SNX29: variants seen among roughly 807,000 people sequenced by gnomAD.
SNX29 encodes the protein sorting nexin-29.
SNX29 carries 78 observed loss-of-function variants against 102.1 expected under a neutral mutation model. The observed-to-expected ratio is 0.76, with a 90% CI of 0.64 to 0.92. SNX29 has a LOEUF of 0.92. SNX29 is among the 40% of genes least tolerant of loss of function. The probability of loss-of-function intolerance (pLI) is 0.00; values close to 1 mark genes in which losing one functional copy is unlikely to be tolerated. For missense variants in SNX29, 1,280 were observed against 1,061.7 expected, an observed-to-expected ratio of 1.21 and a Z score of -2.86; for synonymous variants, 580 against 414.5, an observed-to-expected ratio of 1.40 and a Z score of -4.85.
At chr16:12,085,718 C>A (rs999082013) in intron 11 of SNX29, among the ~76,000 whole-genome samples, 1 of 152,008 alleles carries the variant, frequency 6.6e-6, no homozygotes, top group Non-Finnish European at 1.5e-5. Context: ...GTAAAAGTAA[C>A]AGTATATTCT....
intron 18 of SNX29, among the ~76,000 whole-genome samples, chr16:12,403,754 G>T (rs2084054974): frequency 6.6e-6 from 1 of 152,218 alleles, no homozygotes; most frequent in South Asian, 2.1e-4. Context: ...GGCTCTTAGT[G>T]TGGCTGCTGT....
intron 13 of SNX29, among the ~76,000 whole-genome samples, chr16:12,185,043 A>G (rs531629827): frequency 1.3e-5 from 2 of 152,310 alleles, no homozygotes; most frequent in South Asian, 4.1e-4. Context: ...GGCTGTTTGT[A>G]TGAACCTGGA....
chr16:12,565,262 G>A (rs1223261564), intron 20 of SNX29, among the ~76,000 whole-genome samples: 1 of 152,288 alleles, frequency 6.6e-6, no homozygotes, highest in Non-Finnish European at 1.5e-5. Context: ...GCAGTTGCAA[G>A]AGGTTCAGCC....
chr16:12,067,964 T>A (rs773478037), intron 9 of SNX29, among the ~76,000 whole-genome samples: 3 of 152,026 alleles, frequency 2.0e-5, no homozygotes, highest in African/African-American at 7.3e-5. Context: ...CCAGCTCTTG[T>A]GAATGCCTTT....
In SNX29 at chr16:12,477,613, G is replaced by C. The variant is rs1270073334; in HGVS notation, c.2038-106G>C. On this transcript the variant is annotated intron_variant, in intron 18 of 20. Transcript: ENST00000566228. ...TGGGCATCCAGTGGTGTGTGACACA[G>C]ATGTGACTCTTGCTGCAGTTGGTTT... is the stretch of plus-strand genomic sequence containing the variant. 7 of 1,345,240 alleles carry C rather than the reference G, an allele frequency of 5.2e-6. No individual in the cohort carries two copies. In the Admixed American group the frequency reaches 1.5e-4, roughly 29 times the overall value. The allele number at this position is 1,345,240 out of a possible 1,614,324, so 83.3% of individuals were successfully genotyped here. A position where few individuals can be genotyped will look rare whatever the true frequency, so the allele number is the denominator to read the frequency against.
chr16:12,541,965 T>G (rs1427415965), intron 20 of SNX29, among the ~76,000 whole-genome samples: 2 of 152,194 alleles, frequency 1.3e-5, no homozygotes, highest in African/African-American at 2.4e-5. Context: ...TGGATCCACT[T>G]CAGAGACTTG....
chr16:12,121,510 C>G (rs914256930), intron 11 of SNX29, among the ~76,000 whole-genome samples: 3 of 152,212 alleles, frequency 2.0e-5, no homozygotes, highest in Non-Finnish European at 2.9e-5. Flanking sequence ...CAGCAGGAGA[C>G]GAAGGCAGGA....
At chr16:12,214,746 G>A (rs1011006383) in intron 14 of SNX29, among the ~76,000 whole-genome samples, 1 of 152,082 alleles carries the variant, frequency 6.6e-6, no homozygotes, top group Admixed American at 6.6e-5. Flanking sequence ...TTACTCTGCA[G>A]TCTCCCTGAT....
At chr16:12,406,407 A>G (rs2084168034) in intron 18 of SNX29, among the ~76,000 whole-genome samples, 1 of 152,232 alleles carries the variant, frequency 6.6e-6, no homozygotes, top group Non-Finnish European at 1.5e-5. Context: ...GACAATCCCC[A>G]TCTACATTCC....
chr16:12,331,982 C>G (rs1033237654), intron 15 of SNX29, among the ~76,000 whole-genome samples: 8 of 152,088 alleles, frequency 5.3e-5, no homozygotes, highest in Non-Finnish European at 1.0e-4. Flanking sequence ...ATCGCTTGAA[C>G]CTAGTAGGTG....
chr16:12,474,888 A>G (rs1323878103), intron 18 of SNX29, among the ~76,000 whole-genome samples: 1 of 152,238 alleles, frequency 6.6e-6, no homozygotes, highest in Non-Finnish European at 1.5e-5. Flanking sequence ...CTTGGTTAAA[A>G]TAAAGAAGGA....
intron 19 of SNX29, among the ~76,000 whole-genome samples, chr16:12,499,235 A>T (rs987714877): frequency 2.0e-5 from 3 of 152,226 alleles, no homozygotes; most frequent in African/African-American, 7.2e-5. Flanking sequence ...TGTTGGTGGC[A>T]GGCAGGTCAT....
intron 15 of SNX29, among the ~76,000 whole-genome samples, chr16:12,330,231 C>T (rs926790733): frequency 4.6e-5 from 7 of 152,130 alleles, no homozygotes; most frequent in African/African-American, 1.4e-4. Flanking sequence ...CTTGAGTAAA[C>T]GACTTAACCT....
chr16:12,290,805 G>A (rs1432280115), intron 15 of SNX29, among the ~76,000 whole-genome samples: 1 of 152,116 alleles, frequency 6.6e-6, no homozygotes, highest in African/African-American at 2.4e-5. Context: ...AGGAGAGTGG[G>A]GATGAGTTTT....
At chr16:12,494,639 CACCCCCTT>C (rs1205024363) in intron 19 of SNX29, among the ~76,000 whole-genome samples, 2 of 152,200 alleles carry the variant, frequency 1.3e-5, no homozygotes, top group African/African-American at 4.8e-5. Context: ...TCAGCTTAAC[CACCCCCTT>C]GGAACTTTCT....
intron 18 of SNX29, among the ~76,000 whole-genome samples, chr16:12,422,208 T>A (rs2084902360): frequency 6.6e-6 from 1 of 152,198 alleles, no homozygotes; most frequent in South Asian, 2.1e-4. Flanking sequence ...TGCCACTCAA[T>A]GGCTGTGTGA....
chr16:12,429,016 C>A (rs572196676), intron 18 of SNX29, among the ~76,000 whole-genome samples: 18 of 152,172 alleles, frequency 1.2e-4, no homozygotes, highest in African/African-American at 4.8e-5. Flanking sequence ...CACATAGATA[C>A]GATTGCAATT....
At chr16:12,121,351 TC>T (rs1434239480) in intron 11 of SNX29, among the ~76,000 whole-genome samples, 1 of 152,050 alleles carries the variant, frequency 6.6e-6, no homozygotes, top group Non-Finnish European at 1.5e-5. Context: ...CCATAGGGGC[TC>T]CCCCAGAGCC....
chr16:12,043,691 A>G (rs1408261530), intron 5 of SNX29, among the ~76,000 whole-genome samples: 1 of 151,888 alleles, frequency 6.6e-6, no homozygotes, highest in Non-Finnish European at 1.5e-5. Flanking sequence ...AATTCATTCA[A>G]TCCCAAACTG....
Sources: gnomAD v4.1 joint callset for allele counts (sites outside exome capture counted in the v4.1 genomes callset) on GRCh38, gnomAD v4.1.1 for gene constraint, MANE v1.5 for transcripts, NCBI Gene and HGNC (gene_info 2026-07-23, HGNC 2026-07-21) for gene names.